The following PTPN12 variants were observed in gnomAD, a reference collection of about 807,000 sequenced individuals.
PTPN12 encodes the protein protein tyrosine phosphatase non-receptor type 12.
Under a neutral mutation model 97.6 loss-of-function variants are expected in PTPN12, and 29 were observed. That is an observed-to-expected ratio of 0.30 (90% CI 0.22 to 0.41). The LOEUF (loss-of-function observed/expected upper bound fraction) is 0.41, where lower values mean the gene tolerates loss of function less well. PTPN12 is among the 10% of genes least tolerant of loss of function. The pLI, the probability that PTPN12 is intolerant of heterozygous loss-of-function variation, is 1.00. For synonymous variants in PTPN12, 327 were observed against 300.4 expected (o/e 1.09, Z -0.91); for missense variants, 819 against 926.0 (o/e 0.88, Z 1.50).
At chr7:77,612,244 A>C (rs535434287) in intron 11 of PTPN12, among the ~76,000 whole-genome samples, 1 of 152,228 alleles carries the variant, frequency 6.6e-6, no homozygotes, top group South Asian at 2.1e-4. Context: ...GGAAATATGC[A>C]TTTCTTTTAT....
Position 77,627,010 on chromosome 7 carries a change from A to G in PTPN12, c.1331A>G (p.Gln444Arg), listed in dbSNP as rs764955425. 18 of 1,608,216 alleles carry G rather than the reference A, an allele frequency of 1.1e-5. No individual in the cohort carries two copies. In the South Asian group the frequency reaches 1.8e-4, roughly 16 times the overall value. ...LSFEIKKVPL[Q>R]EGPKSFDGNT... ...TTTGAGATTAAGAAGGTCCCTCTCC[A>G]AGAGGGACCAAAAAGTTTTGATGGG... Residue 444 changes from glutamine to arginine, a missense_variant, in exon 13 of 18, where the codon CAA becomes CGA. This residue lies in a region of PTPN12 where 607 missense variants were observed against 577.3 expected (regional missense o/e 1.05). Transcript: ENST00000248594.
intron 16 of PTPN12, among the ~76,000 whole-genome samples, chr7:77,637,945 ATTTTTTTTTTTT>A (rs754842372): frequency 1.5e-5 from 1 of 66,786 alleles, no homozygotes; most frequent in Non-Finnish European, 2.7e-5. Context: ...ATTTCTTAAA[ATTTTTTTTTTTT>A]TTTTTTTTTT....
chr7:77,635,208 G>A (rs146239675), intron 14 of PTPN12, among the ~76,000 whole-genome samples: 1 of 152,170 alleles, frequency 6.6e-6, no homozygotes, highest in South Asian at 2.1e-4. Flanking sequence ...GTGGATCTCT[G>A]TTCCATTTGC....
At chr7:77,611,997 T>G (rs1475367536) in intron 11 of PTPN12, among the ~76,000 whole-genome samples, 2 of 151,750 alleles carry the variant, frequency 1.3e-5, no homozygotes, top group Non-Finnish European at 2.9e-5. Flanking sequence ...TTTTTTTTTT[T>G]GTAGAATTTG....
At chr7:77,617,171 G>A (rs1788782308) in intron 11 of PTPN12, among the ~76,000 whole-genome samples, 1 of 152,160 alleles carries the variant, frequency 6.6e-6, no homozygotes. Flanking sequence ...TGATTTGCGT[G>A]AGGCACACCA....
rs140921104 is a variant in PTPN12, at chr7:77,633,534, C to T, written c.2074+1109C>T. ...TGAGGCAGGAGAATCGCTTGAACCC[C>T]GGAGGCAGAGGTTGGAGTGAGCCGA... On this transcript the variant is annotated intron_variant, in intron 14 of 17. Coordinates refer to ENST00000248594, the MANE Select transcript of PTPN12 (RefSeq NM_002835.4). Among the ~76,000 whole-genome samples the T allele has an allele frequency of 2.7e-5, 4 of 147,566 alleles. No individual in the cohort carries two copies. In the South Asian group the frequency reaches 6.5e-4, roughly 24 times the overall value.
At chr7:77,635,889 T>G (rs184662068) in intron 15 of PTPN12, 40 bp downstream of exon 15, 2 of 1,349,852 alleles carry the variant, frequency 1.5e-6, no homozygotes, top group Admixed American at 4.5e-5. Context: ...AGCTTAACAT[T>G]TCTACTCTTT....
At chr7:77,573,686 A>C (rs1355194147) in intron 2 of PTPN12, among the ~76,000 whole-genome samples, 3 of 152,250 alleles carry the variant, frequency 2.0e-5, no homozygotes, top group Non-Finnish European at 4.4e-5. Context: ...ATTCATGCAC[A>C]CATTCAAAGA....
intron 6 of PTPN12, among the ~76,000 whole-genome samples, chr7:77,596,960 C>T (rs1310395291): frequency 1.4e-5 from 2 of 147,798 alleles, no homozygotes; most frequent in Non-Finnish European, 3.0e-5. Context: ...TATATGATGA[C>T]GTGTATCCAC....
At chr7:77,634,357 T>A (rs1789509862) in intron 14 of PTPN12, among the ~76,000 whole-genome samples, 1 of 152,218 alleles carries the variant, frequency 6.6e-6, no homozygotes, top group Non-Finnish European at 1.5e-5. Context: ...GGTGCTCACT[T>A]GTCTAAGTAC....
intron 1 of PTPN12, among the ~76,000 whole-genome samples, chr7:77,552,161 A>G (rs993960478): frequency 3.9e-5 from 6 of 152,232 alleles, no homozygotes; most frequent in Non-Finnish European, 8.8e-5. Context: ...CTGTTGCTCA[A>G]GCTTGAGTGC....
intron 13 of PTPN12, among the ~76,000 whole-genome samples, chr7:77,628,132 G>C (rs1177282410): frequency 6.6e-6 from 1 of 151,790 alleles, no homozygotes; most frequent in East Asian, 1.9e-4. Flanking sequence ...ACATTTTTTT[G>C]TTTGTTTGTT....
chr7:77,618,023 A>C (rs1788809655), intron 11 of PTPN12, among the ~76,000 whole-genome samples: 1 of 152,178 alleles, frequency 6.6e-6, no homozygotes, highest in Non-Finnish European at 1.5e-5. Context: ...TCCTAGGACC[A>C]CCAGTTTAAA....
At chr7:77,559,948 G>A (rs762130488) in intron 1 of PTPN12, among the ~76,000 whole-genome samples, 1 of 152,176 alleles carries the variant, frequency 6.6e-6, no homozygotes, top group Non-Finnish European at 1.5e-5. Flanking sequence ...AGGCAAGAAT[G>A]ACAAGTACTA....
intron 1 of PTPN12, among the ~76,000 whole-genome samples, chr7:77,559,584 C>T (rs55641721): frequency 0.24 from 36,782 of 152,102 alleles, 4,682 homozygotes; most frequent in Non-Finnish European, 0.28. Flanking sequence ...AATTACACTT[C>T]CAGTTTTTAT....
chr7:77,567,506 A>G (rs1448328146), intron 1 of PTPN12, among the ~76,000 whole-genome samples: 1 of 152,212 alleles, frequency 6.6e-6, no homozygotes, highest in Non-Finnish European at 1.5e-5. Flanking sequence ...ACACAAAGAC[A>G]CAGAAAAATG....
At chr7:77,624,436 A>C (rs1290527996) in intron 12 of PTPN12, among the ~76,000 whole-genome samples, 1 of 148,492 alleles carries the variant, frequency 6.7e-6, no homozygotes, top group African/African-American at 2.6e-5. Flanking sequence ...CAGAGTCTTT[A>C]TTTATTTATT....
At chr7:77,596,697 C>T (rs1377506948) in intron 6 of PTPN12, among the ~76,000 whole-genome samples, 1 of 152,194 alleles carries the variant, frequency 6.6e-6, no homozygotes, top group East Asian at 1.9e-4. Flanking sequence ...CAGGTGTGAG[C>T]CACTGCCTAA....
chr7:77,566,711 G>A (rs964813082), intron 1 of PTPN12, among the ~76,000 whole-genome samples: 2 of 152,146 alleles, frequency 1.3e-5, no homozygotes, highest in Admixed American at 1.3e-4. Context: ...GCAACAGAGT[G>A]AGTCCCTGTC....
Sources: allele counts gnomAD v4.1 joint callset (sites outside exome capture counted in the v4.1 genomes callset), GRCh38; gene constraint gnomAD v4.1.1; regional missense constraint gnomAD v4.1.1; transcripts MANE v1.5; gene names NCBI Gene and HGNC (gene_info 2026-07-23, HGNC 2026-07-21).